The following TMTC1 variants were observed in gnomAD, a reference collection of about 807,000 sequenced individuals.
TMTC1 encodes the protein protein O-mannosyl-transferase TMTC1.
In TMTC1, 73 loss-of-function variants were observed where a neutral mutation model predicts 104.8. The observed-to-expected ratio is 0.70, with a 90% CI of 0.58 to 0.85. TMTC1 has a LOEUF of 0.85. Ranked by LOEUF, TMTC1 falls within the 40% of genes least tolerant of loss-of-function variation. TMTC1 has a pLI of 0.00. For synonymous variants in TMTC1, 434 were observed against 428.7 expected (o/e 1.01, Z -0.15); for missense variants, 1,035 against 1,096.1 (o/e 0.94, Z 0.79).
At chr12:29,633,365 A>T (rs1380930250) in intron 5 of TMTC1, 29 bp from the exon 6 acceptor site, 4 of 1,558,030 alleles carry the variant, frequency 2.6e-6, no homozygotes, top group Non-Finnish European at 3.5e-6. Context: ...TCACTGAAAC[A>T]CTGCTCAAGA....
At chr12:29,650,328 G>T (rs760248353) in intron 5 of TMTC1, among the ~76,000 whole-genome samples, 1 of 151,890 alleles carries the variant, frequency 6.6e-6, no homozygotes, top group Non-Finnish European at 1.5e-5. Context: ...CAAGTGATCT[G>T]CCCGCCTAAG....
chr12:29,671,372 C>T (rs1940510211), intron 5 of TMTC1, among the ~76,000 whole-genome samples: 1 of 151,336 alleles, frequency 6.6e-6, no homozygotes, highest in African/African-American at 2.4e-5. Flanking sequence ...TTTATCACTA[C>T]AAAAAAAGTC....
chr12:29,644,533 C>T (rs1207716108), intron 5 of TMTC1, among the ~76,000 whole-genome samples: 1 of 151,916 alleles, frequency 6.6e-6, no homozygotes, highest in African/African-American at 2.4e-5. Context: ...AACAAAATTC[C>T]CAGAATAATT....
intron 1 of TMTC1, among the ~76,000 whole-genome samples, chr12:29,772,671 G>T (rs1314092394): frequency 6.6e-6 from 1 of 152,070 alleles, no homozygotes; most frequent in African/African-American, 2.4e-5. Context: ...CACATTTAAA[G>T]ATTTAAAATT....
rs1333675981 is a variant in TMTC1, at chr12:29,659,348, A to G, written c.939-26012T>C. On this transcript the variant is annotated intron_variant, in intron 5 of 17. Coordinates refer to ENST00000539277, the MANE Select transcript of TMTC1 (RefSeq NM_001193451.2). ...TTTGGGTGAGGAGGGCAGAACCCTT[A>G]TGAGTAGATTAATGCCCTTCCTTGG... is the stretch of plus-strand genomic sequence containing the variant. Among the ~76,000 whole-genome samples the G allele has an allele frequency of 3.3e-5, 5 of 152,300 alleles. No individual in the cohort carries two copies. The South Asian group carries it at 6.2e-4, about 19-fold the overall frequency.
At chr12:29,700,673 C>T (rs1941563123) in intron 5 of TMTC1, among the ~76,000 whole-genome samples, 1 of 152,060 alleles carries the variant, frequency 6.6e-6, no homozygotes, top group African/African-American at 2.4e-5. Flanking sequence ...CATAGAACTC[C>T]TCAAAAAGTG....
intron 2 of TMTC1, among the ~76,000 whole-genome samples, chr12:29,760,966 A>G (rs1313613611): frequency 6.8e-6 from 1 of 146,250 alleles, no homozygotes; most frequent in African/African-American, 2.5e-5. Flanking sequence ...TATATATCAT[A>G]TATTATTTAT....
chr12:29,633,266 C>T lies in TMTC1; in HGVS notation c.1009G>A (p.Asp337Asn). The change falls in exon 6 of 18, where the codon GAC becomes AAC. Residue 337 changes from aspartate (D) to asparagine (N), a missense_variant. Physicochemically the swap from Asp to Asn is conservative, Grantham distance 23. Transcript: ENST00000539277. ...AGAGGAATACTGCCGACCTGCCAGT[C>T]ATAGCACAGGGTCACGGGTGCAAGC... Reference protein sequence around the residue: ...LLLAPVTLCYDWQVGSIPLVE... With the variant: ...LLLAPVTLCYNWQVGSIPLVE... 2.5e-6 allele frequency: 4 copies of T among 1,613,952 alleles called. No individual in the cohort carries two copies. The highest frequency in any genetic ancestry group is 3.4e-6 in the Non-Finnish European group (4 of 1,179,982).
chr12:29,570,078 A>C (rs1392189601), intron 9 of TMTC1, among the ~76,000 whole-genome samples: 1 of 152,190 alleles, frequency 6.6e-6, no homozygotes, highest in Admixed American at 6.5e-5. Flanking sequence ...AATAAAACCA[A>C]TTAAAAAGAT....
intron 5 of TMTC1, among the ~76,000 whole-genome samples, chr12:29,651,658 A>G (rs546286391): frequency 1.4e-4 from 21 of 152,202 alleles, no homozygotes; most frequent in Non-Finnish European, 3.1e-4. Flanking sequence ...GTGAACAAAA[A>G]ATTAAACCTT....
At chr12:29,595,755 C>T (rs1398494718) in intron 7 of TMTC1, among the ~76,000 whole-genome samples, 1 of 152,222 alleles carries the variant, frequency 6.6e-6, no homozygotes, top group African/African-American at 2.4e-5. Context: ...CTTTAATCAA[C>T]TTTTGAACCC....
chr12:29,765,928 G>T (rs1321687332), intron 2 of TMTC1, among the ~76,000 whole-genome samples: 1 of 152,156 alleles, frequency 6.6e-6, no homozygotes. Context: ...AATTTTTAAT[G>T]ATCTACCAAC....
intron 6 of TMTC1, among the ~76,000 whole-genome samples, chr12:29,610,721 A>G (rs1355213345): frequency 6.6e-6 from 1 of 152,362 alleles, no homozygotes. Flanking sequence ...CTCTTGTGAC[A>G]TGAGCACAAC....
intron 1 of TMTC1, among the ~76,000 whole-genome samples, chr12:29,776,203 G>A (rs1943703499): frequency 3.3e-5 from 5 of 152,290 alleles, no homozygotes; most frequent in Admixed American, 3.3e-4. Context: ...TTTGCAGCAA[G>A]CATCCACCAA....
chr12:29,660,292 T>C (rs1939955709), intron 5 of TMTC1, among the ~76,000 whole-genome samples: 1 of 152,212 alleles, frequency 6.6e-6, no homozygotes, highest in East Asian at 1.9e-4. Flanking sequence ...GGGGATGAGA[T>C]ATCACGTAGA....
intron 5 of TMTC1, among the ~76,000 whole-genome samples, chr12:29,729,436 G>T (rs930124154): frequency 6.6e-6 from 1 of 152,030 alleles, no homozygotes; most frequent in African/African-American, 2.4e-5. Flanking sequence ...TTTCATGCAC[G>T]AGGGGGAACC....
chr12:29,619,365 C>T (rs1461498894), intron 6 of TMTC1, among the ~76,000 whole-genome samples: 1 of 152,140 alleles, frequency 6.6e-6, no homozygotes, highest in African/African-American at 2.4e-5. Context: ...TTCCACATGA[C>T]ACGAGGAAAG....
intron 5 of TMTC1, among the ~76,000 whole-genome samples, chr12:29,692,977 T>C (rs1342625673): frequency 6.9e-6 from 1 of 145,006 alleles, no homozygotes; most frequent in Non-Finnish European, 1.5e-5. Context: ...AGTGATTGCC[T>C]GGGGCTGGGA....
intron 10 of TMTC1, among the ~76,000 whole-genome samples, chr12:29,548,102 A>G (rs937659330): frequency 4.5e-4 from 69 of 152,322 alleles, no homozygotes; most frequent in African/African-American, 1.6e-3. Flanking sequence ...GAGCGCCTCA[A>G]CTGAGAAAGA....
Sources: gnomAD v4.1 joint callset for allele counts (sites outside exome capture counted in the v4.1 genomes callset) on GRCh38, gnomAD v4.1.1 for gene constraint, MANE v1.5 for transcripts, NCBI Gene and HGNC (gene_info 2026-07-23, HGNC 2026-07-21) for gene names.